PDE3A: variants seen among roughly 807,000 people sequenced by gnomAD.
PDE3A encodes phosphodiesterase 3A.
Under a neutral mutation model 98.3 loss-of-function variants are expected in PDE3A, and 43 were observed. The observed-to-expected ratio is 0.44, with a 90% confidence interval of 0.34 to 0.56. The LOEUF is 0.56. Ranked by LOEUF, PDE3A falls within the 20% of genes least tolerant of loss-of-function variation. The pLI is 0.01. For missense variants in PDE3A, 1,427 were observed against 1,440.7 expected (o/e 0.99, Z 0.15); for synonymous variants, 663 against 567.9 (o/e 1.17, Z -2.38).
Position 20,680,054 on chromosome 12 carries a change from A to G in PDE3A, c.3209A>G (p.Lys1070Arg), listed in dbSNP as rs1285312197. Reference sequence around the variant, plus strand: ...GAAAAGAAGACTTTCAAAAGGAGAAAAATCTACTGCCAAATAACTCAGCAC... The same window carrying G: ...GAAAAGAAGACTTTCAAAAGGAGAAGAATCTACTGCCAAATAACTCAGCAC... Reference protein sequence around the residue: ...SPKKKTFKRRKIYCQITQHLL... With the variant: ...SPKKKTFKRRRIYCQITQHLL... Residue 1070 changes from lysine (K) to arginine (R), a missense_variant, in exon 16 of 16, where the codon AAA becomes AGA. By Grantham distance (26) the Lys-to-Arg change is conservative (BLOSUM62 2). Coordinates refer to ENST00000359062, the MANE Select transcript of PDE3A (RefSeq NM_000921.5). 1.2e-6 allele frequency: 2 copies of G among 1,602,550 alleles called. No homozygotes were observed. The highest frequency in any genetic ancestry group is 1.3e-5 in the African/African-American group (1 of 74,684).
intron 1 of PDE3A, among the ~76,000 whole-genome samples, chr12:20,531,113 A>G: frequency 6.6e-6 from 1 of 152,208 alleles, no homozygotes; most frequent in East Asian, 1.9e-4. Flanking sequence ...TCTTAGCTTC[A>G]TCCCTCTTAG....
intron 1 of PDE3A, among the ~76,000 whole-genome samples, chr12:20,511,223 G>A (rs187062946): frequency 2.6e-5 from 4 of 152,078 alleles, no homozygotes; most frequent in East Asian, 1.9e-4. Context: ...TCCTTGCTCC[G>A]CATACTGCAG....
Position 20,680,007 on chromosome 12 carries a change from G to GT in PDE3A, c.3185-17dup, listed in dbSNP as rs1423713656. 6.4e-6 allele frequency: 10 copies of GT among 1,556,906 alleles called. No individual in the cohort carries two copies. The East Asian group carries it at 2.1e-4, about 33-fold the overall frequency. On this transcript the variant is annotated intron_variant, in intron 15 of 15. Transcript: ENST00000359062. ...ACACAACTAAGTAGTCTGATTTGGTGTTTTTTATTTTATTTATTTTAGAAA... is the reference window on the plus strand; with the variant it reads ...ACACAACTAAGTAGTCTGATTTGGTGTTTTTTTATTTTATTTATTTTAGAAA...
intron 3 of PDE3A, among the ~76,000 whole-genome samples, chr12:20,614,156 T>TGC (rs1242726735): frequency 3.6e-4 from 2 of 5,558 alleles, no homozygotes; most frequent in African/African-American, 4.1e-4. Flanking sequence ...GACTTTCCAA[T>TGC]ACACAGTTTT....
At chr12:20,533,192 A>AT (rs573084178) in intron 1 of PDE3A, among the ~76,000 whole-genome samples, 3 of 151,930 alleles carry the variant, frequency 2.0e-5, no homozygotes, top group African/African-American at 7.2e-5. Flanking sequence ...AGGAGTTTGC[A>AT]TTTTTTTCAA....
In PDE3A at chr12:20,369,602, A is replaced by G. The variant is rs77246609; in HGVS notation, c.318A>G (p.Gly106=). 1.7e-3 allele frequency: 2,591 copies of G among 1,567,738 alleles called. 45 individuals carry two copies. In the African/African-American group the frequency reaches 0.031, roughly 19 times the overall value. ...AAAEEEEAAP[G]AEGGVFPGPR... ...CGGAGGAGGAGGAAGCAGCCCCGGG[A>G]GCAGAAGGGGGCGTCTTCCCGGGGC... The change falls in exon 1 of 16, where the codon GGA becomes GGG. Residue 106 remains glycine, a synonymous_variant. Coordinates refer to ENST00000359062, the MANE Select transcript of PDE3A (RefSeq NM_000921.5).
chr12:20,594,228 G>C (rs375413468), intron 2 of PDE3A, among the ~76,000 whole-genome samples: 2 of 151,968 alleles, frequency 1.3e-5, no homozygotes, highest in Non-Finnish European at 2.9e-5. Context: ...TTTAAGTTGC[G>C]AGGAAAAAGC....
At chr12:20,494,872 C>CAAAA (rs5796864) in intron 1 of PDE3A, among the ~76,000 whole-genome samples, 1 of 143,564 alleles carries the variant, frequency 7.0e-6, no homozygotes, top group African/African-American at 2.6e-5. Context: ...AACAATTCCG[C>CAAAA]AAAAAAAAAA....
chr12:20,521,712 C>G (rs1444266596), intron 1 of PDE3A, among the ~76,000 whole-genome samples: 1 of 152,052 alleles, frequency 6.6e-6, no homozygotes, highest in Non-Finnish European at 1.5e-5. Context: ...TGTGCCGAAC[C>G]CTCATTAACC....
At chr12:20,492,907 G>A (rs530636039) in intron 1 of PDE3A, among the ~76,000 whole-genome samples, 1 of 152,178 alleles carries the variant, frequency 6.6e-6, no homozygotes, top group South Asian at 2.1e-4. Flanking sequence ...GTGGTGGCGG[G>A]AATAAAGACT....
At chr12:20,433,661 A>G (rs928545922) in intron 1 of PDE3A, among the ~76,000 whole-genome samples, 5 of 152,182 alleles carry the variant, frequency 3.3e-5, no homozygotes, top group Non-Finnish European at 7.4e-5. Flanking sequence ...TAAGAACAGC[A>G]TACGTTTTTT....
At chr12:20,545,169 G>T (rs1335780379) in intron 1 of PDE3A, among the ~76,000 whole-genome samples, 1 of 151,994 alleles carries the variant, frequency 6.6e-6, no homozygotes, top group Non-Finnish European at 1.5e-5. Flanking sequence ...TGTATTAAAT[G>T]AAAATAATGG....
At chr12:20,652,391 TA>T (rs965301166) in intron 14 of PDE3A, among the ~76,000 whole-genome samples, 80 of 152,190 alleles carry the variant, frequency 5.3e-4, no homozygotes, top group Middle Eastern at 6.8e-3. Context: ...ACCAACAGTG[TA>T]AAAGTGTTCC....
intron 1 of PDE3A, among the ~76,000 whole-genome samples, chr12:20,461,507 A>T (rs1442370643): frequency 6.6e-6 from 1 of 152,202 alleles, no homozygotes; most frequent in Non-Finnish European, 1.5e-5. Flanking sequence ...TTTTGGAAGC[A>T]GTAATATATA....
intron 1 of PDE3A, among the ~76,000 whole-genome samples, chr12:20,509,168 G>A (rs781723671): frequency 1.2e-4 from 19 of 152,004 alleles, no homozygotes; most frequent in Non-Finnish European, 1.9e-4. Context: ...CACCATTACA[G>A]CTATATTAAT....
chr12:20,377,830 T>C (rs890591524), intron 1 of PDE3A, among the ~76,000 whole-genome samples: 11 of 151,806 alleles, frequency 7.2e-5, no homozygotes, highest in Non-Finnish European at 1.6e-4. Context: ...ATATTTCCAG[T>C]TAATTATGAA....
chr12:20,615,010 CTCTTTCTTT>C (rs1565450091), intron 3 of PDE3A, among the ~76,000 whole-genome samples: 7 of 123,194 alleles, frequency 5.7e-5, no homozygotes, highest in African/African-American at 2.1e-4. Context: ...CTTTCTTTCT[CTCTTTCTTT>C]TTTTTTTTTT....
chr12:20,600,492 G>T (rs61037122), intron 2 of PDE3A, among the ~76,000 whole-genome samples: 6,014 of 152,166 alleles, frequency 0.04, 400 homozygotes, highest in African/African-American at 0.14. Context: ...GACCTCTCCA[G>T]TGTCAACCTT....
chr12:20,437,006 C>T (rs1759721257), intron 1 of PDE3A, among the ~76,000 whole-genome samples: 1 of 151,722 alleles, frequency 6.6e-6, no homozygotes, highest in South Asian at 2.1e-4. Flanking sequence ...CTTCTTTTTC[C>T]TCTTTTCTTT....
Sources: allele counts gnomAD v4.1 joint callset (sites outside exome capture counted in the v4.1 genomes callset), GRCh38; gene constraint gnomAD v4.1.1; transcripts MANE v1.5; gene names NCBI Gene and HGNC (gene_info 2026-07-23, HGNC 2026-07-21).